Variants in PCDHA4 observed in about 807,000 individuals in gnomAD.
The protein encoded by PCDHA4 is protocadherin alpha 4.
A neutral mutation model predicts 61.4 loss-of-function variants in PCDHA4; 49 were observed. The observed-to-expected ratio is 0.80, with a 90% CI of 0.63 to 1.01. The LOEUF is 1.01. Among genes scored for constraint, PCDHA4 ranks in the 50% least tolerant of loss-of-function variants. The pLI, the probability that PCDHA4 is intolerant of heterozygous loss-of-function variation, is 0.00. For missense variants in PCDHA4, 1,254 were observed against 1,235.8 expected, an observed-to-expected ratio of 1.01 and a Z score of -0.22; for synonymous variants, 590 against 550.3, an observed-to-expected ratio of 1.07 and a Z score of -1.01.
chr5:140,809,221 C>T lies in PCDHA4; in HGVS notation c.2034C>T (p.Ala678=). The stretch of plus-strand genomic sequence containing the variant: ...TGGAGAGTGGACAGGCGCCAAAGGC[C>T]TCCTCACGGGCGTTGGTGGGCGCTG... The part of the protein sequence containing the change: ...SLVESGQAPK[A]SSRALVGAVG... The change falls in exon 1 of 4, where the codon GCC becomes GCT. Residue 678 remains alanine, a synonymous_variant. Coordinates refer to ENST00000530339, the MANE Select transcript of PCDHA4 (RefSeq NM_018907.4). 1 of 1,614,078 alleles carries T rather than the reference C, an allele frequency of 6.2e-7. No individual in the cohort carries two copies.
At chr5:140,898,956 T>G (rs1352076218) in intron 1 of PCDHA4, among the ~76,000 whole-genome samples, 1 of 152,130 alleles carries the variant, frequency 6.6e-6, no homozygotes, top group African/African-American at 2.4e-5. Flanking sequence ...GAAGCAGTTG[T>G]GAATGGGAGT....
chr5:140,928,125 C>T, intron 1 of PCDHA4: 2 of 1,614,154 alleles, frequency 1.2e-6, no homozygotes, highest in Non-Finnish European at 1.7e-6. Context: ...TCAGTGAATA[C>T]CAAGTCCTGA....
At chr5:140,990,022 G>C (rs891983888) in intron 3 of PCDHA4, among the ~76,000 whole-genome samples, 1 of 152,156 alleles carries the variant, frequency 6.6e-6, no homozygotes, top group Non-Finnish European at 1.5e-5. Flanking sequence ...GCTAGGCAAA[G>C]GATGGGAGAA....
At chr5:140,854,039 C>G (rs1301679696) in intron 1 of PCDHA4, 1 of 287,104 alleles carries the variant, frequency 3.5e-6, no homozygotes, top group Admixed American at 6.8e-5. Context: ...GCACACATCT[C>G]TAGTCCCAAT....
rs373157192 is a variant in PCDHA4 at position 140,869,487 on chromosome 5, C to T, written c.2385+59915C>T. On this transcript the variant is annotated intron_variant, in intron 1 of 3. Transcript: ENST00000530339. ...ACGTGGAGGTGAAGGACATTAACGA[C>T]AACCCGCCGGTGTTCTCGCTCAGAG... The T allele has an allele frequency of 5.2e-5, 84 of 1,614,180 alleles. No homozygotes were observed. The African/African-American group carries it at 8.9e-4, about 17-fold the overall frequency.
chr5:140,912,900 T>A (rs979059809), intron 1 of PCDHA4, among the ~76,000 whole-genome samples: 1 of 152,264 alleles, frequency 6.6e-6, no homozygotes, highest in Non-Finnish European at 1.5e-5. Context: ...ATATGATGTA[T>A]CATATTGATT....
At chr5:140,930,649 G>A (rs1300720133) in intron 1 of PCDHA4, among the ~76,000 whole-genome samples, 1 of 152,156 alleles carries the variant, frequency 6.6e-6, no homozygotes, top group Non-Finnish European at 1.5e-5. Context: ...GGAAAATGAA[G>A]CATTCCTTGT....
At chr5:140,931,901 T>G (rs2087840006) in intron 1 of PCDHA4, among the ~76,000 whole-genome samples, 1 of 151,938 alleles carries the variant, frequency 6.6e-6, no homozygotes, top group South Asian at 2.1e-4. Flanking sequence ...TCAAATCATT[T>G]GAAAAGCATG....
rs116577362 is a variant in PCDHA4 at position 140,863,312 on chromosome 5, T to G, written c.2385+53740T>G. On this transcript the variant is annotated intron_variant, in intron 1 of 3. Transcript: ENST00000530339. ...TACCTGATCATCGCCATCTGCGTGGTGTCCAGCCTGTTAGTGCTCACGTTG... is the reference window on the plus strand; with the variant it reads ...TACCTGATCATCGCCATCTGCGTGGGGTCCAGCCTGTTAGTGCTCACGTTG... 14,488 of 1,456,150 alleles carry G rather than the reference T, an allele frequency of 9.9e-3. 118 individuals are homozygous for G. The highest frequency in any genetic ancestry group is 0.011 in the Non-Finnish European group (11,650 of 1,073,394). 90.2% of individuals were successfully genotyped at this position (1,456,150 alleles called of 1,614,324 possible). A position where few individuals can be genotyped will look rare whatever the true frequency, so the allele number is the denominator to read the frequency against.
intron 1 of PCDHA4, among the ~76,000 whole-genome samples, chr5:140,931,584 AAC>A (rs1355868674): frequency 1.3e-5 from 2 of 152,054 alleles, no homozygotes; most frequent in Admixed American, 1.3e-4. Flanking sequence ...CATTCAGTTG[AAC>A]AGTCTTTTTC....
intron 1 of PCDHA4, chr5:140,858,475 GAAT>G (rs2045440906): frequency 2.0e-6 from 3 of 1,517,006 alleles, no homozygotes; most frequent in East Asian, 4.9e-5. Context: ...TGTGCTTTAT[GAAT>G]AATATTTTCT....
At chr5:140,823,080 G>A in intron 1 of PCDHA4, 4 of 1,613,920 alleles carry the variant, frequency 2.5e-6, no homozygotes, top group East Asian at 2.2e-5. Flanking sequence ...CTTCGCTGTG[G>A]GCCACCGCCA....
At chr5:140,884,141 G>C in intron 1 of PCDHA4, 1 of 1,613,422 alleles carries the variant, frequency 6.2e-7, no homozygotes, top group South Asian at 1.1e-5. Flanking sequence ...GTTCCGCGTG[G>C]GGCTGTACAC....
rs782141581 is a variant in PCDHA4 at position 140,857,357 on chromosome 5, A to G, written c.2385+47785A>G. On this transcript the variant is annotated intron_variant, in intron 1 of 3. Coordinates refer to ENST00000530339, the MANE Select transcript of PCDHA4 (RefSeq NM_018907.4). ...CGGGGGCTCGCCTCCGCTGTGGGCC[A>G]CGGCCAGCGTGTCTGTGGAGGTGGC... 29 of 1,598,430 alleles carry G rather than the reference A, an allele frequency of 1.8e-5. 3 individuals are homozygous for G. Among genetic ancestry groups the G allele is most frequent in the Non-Finnish European group, 2.5e-5 (29 of 1,167,908 alleles).
intron 1 of PCDHA4, chr5:140,876,811 G>A (rs2153346110): frequency 9.3e-6 from 15 of 1,614,218 alleles, no homozygotes; most frequent in Non-Finnish European, 1.3e-5. Context: ...GGAGGTGGCC[G>A]ACGTGAACGA....
chr5:140,926,215 C>T (rs2083014396), intron 1 of PCDHA4, among the ~76,000 whole-genome samples: 1 of 152,170 alleles, frequency 6.6e-6, no homozygotes, highest in Non-Finnish European at 1.5e-5. Flanking sequence ...CTCCTGTTTC[C>T]TTAAGCCTAG....
chr5:140,842,938 C>T (rs2150348159), intron 1 of PCDHA4: 14 of 1,594,434 alleles, frequency 8.8e-6, no homozygotes, highest in South Asian at 5.5e-5. Context: ...GCGCGCGCGA[C>T]GCGGGCGTGC....
chr5:140,834,378 T>C, intron 1 of PCDHA4: 1 of 1,562,858 alleles, frequency 6.4e-7, no homozygotes, highest in Non-Finnish European at 8.7e-7. Context: ...AAGCCAATAA[T>C]TTGAAATGGT....
rs901067818 is a variant in PCDHA4 at position 140,807,909 on chromosome 5, C to G, written c.722C>G (p.Ala241Gly). ...CTGGATGCCAATGACAATGCCCCAGCTTTTGACAGAACCATTTATAAGGTG... is the reference window on the plus strand; with the variant it reads ...CTGGATGCCAATGACAATGCCCCAGGTTTTGACAGAACCATTTATAAGGTG... ...TVLDANDNAP[A>G]FDRTIYKVRL... is the part of the protein sequence containing the mutation. The change falls in exon 1 of 4, where the codon GCT becomes GGT. Residue 241 changes from alanine (A) to glycine (G), a missense_variant. By Grantham distance (60) the Ala-to-Gly change is moderately conservative. Coordinates refer to ENST00000530339, the MANE Select transcript of PCDHA4 (RefSeq NM_018907.4). 2.5e-6 allele frequency: 4 copies of G among 1,614,064 alleles called. No homozygotes were observed. Among genetic ancestry groups the G allele is most frequent in the Non-Finnish European group, 3.4e-6 (4 of 1,179,966 alleles).
Sources: gnomAD v4.1 joint callset for allele counts (sites outside exome capture counted in the v4.1 genomes callset) on GRCh38, gnomAD v4.1.1 for gene constraint, MANE v1.5 for transcripts, NCBI Gene and HGNC (gene_info 2026-07-23, HGNC 2026-07-21) for gene names.